The following ZBTB20 variants were observed in gnomAD, a reference collection of about 807,000 sequenced individuals.
ZBTB20 encodes the protein zinc finger and BTB domain containing 20.
Under a neutral mutation model 56.9 loss-of-function variants are expected in ZBTB20, and 9 were observed. The observed-to-expected ratio is 0.16, with a 90% CI of 0.10 to 0.28. ZBTB20 has a LOEUF of 0.28. Among genes scored for constraint, ZBTB20 ranks in the 10% least tolerant of loss-of-function variants. The pLI is 1.00. For missense variants in ZBTB20, 655 were observed against 1,003.0 expected (o/e 0.65, Z 4.69); for synonymous variants, 417 against 420.7 (o/e 0.99, Z 0.11).
chr3:114,502,412 C>T lies in ZBTB20; in HGVS notation c.-294-2021G>A, dbSNP rs76705746. ...CCTTTGTGGTCAATGTGAAACCTTG[C>T]TCAAGTACATGCAGGTGTACTTGAT... On this transcript the variant is annotated intron_variant, in intron 6 of 11. Transcript: ENST00000675478. 1.8e-3 allele frequency among the ~76,000 whole-genome samples: 271 copies of T among 152,256 alleles called. 7 individuals are homozygous for T. The East Asian group carries it at 0.043, about 24-fold the overall frequency.
At chr3:114,840,399 T>C (rs2074332987) in intron 4 of ZBTB20, among the ~76,000 whole-genome samples, 2 of 152,250 alleles carry the variant, frequency 1.3e-5, no homozygotes, top group African/African-American at 2.4e-5. Context: ...AGTTGTACAA[T>C]ACCAAATGTT....
intron 3 of ZBTB20, among the ~76,000 whole-genome samples, chr3:114,954,468 AT>A (rs2077180139): frequency 6.6e-6 from 1 of 152,130 alleles, no homozygotes; most frequent in Non-Finnish European, 1.5e-5. Flanking sequence ...TCTTATTTCT[AT>A]TTTAGTTACA....
intron 4 of ZBTB20, among the ~76,000 whole-genome samples, chr3:114,887,087 T>C (rs916361830): frequency 2.0e-4 from 31 of 152,132 alleles, no homozygotes; most frequent in African/African-American, 7.2e-4. Context: ...AGCGCAGGTC[T>C]CTCTTTATGT....
chr3:115,018,643 C>G (rs1385039046), intron 2 of ZBTB20, among the ~76,000 whole-genome samples: 1 of 151,194 alleles, frequency 6.6e-6, no homozygotes, highest in East Asian at 2.0e-4. Context: ...ACAACACTGA[C>G]CAACAAGAAA....
intron 6 of ZBTB20, among the ~76,000 whole-genome samples, chr3:114,678,826 C>T (rs1347388927): frequency 1.3e-5 from 2 of 152,102 alleles, no homozygotes; most frequent in African/African-American, 4.8e-5. Flanking sequence ...CTATTATGTG[C>T]TAGGCCTTAT....
At chr3:114,636,395 C>G (rs916405729) in intron 6 of ZBTB20, among the ~76,000 whole-genome samples, 1 of 151,992 alleles carries the variant, frequency 6.6e-6, no homozygotes, top group African/African-American at 2.4e-5. Context: ...CTAGAGACCT[C>G]TAGTACTCTA....
chr3:114,319,527 G>C lies in ZBTB20; in HGVS notation c.*19478C>G, dbSNP rs149133330. The C allele has an allele frequency of 6.6e-6, 1 of 152,192 alleles. No individual in the cohort carries two copies. Among genetic ancestry groups the C allele is most frequent in the Non-Finnish European group, 1.5e-5 (1 of 68,004 alleles). 9.4% of individuals were successfully genotyped at this position (152,192 alleles called of 1,614,324 possible). On this transcript the variant is annotated 3_prime_UTR_variant, in exon 12 of 12. Transcript: ENST00000675478. ...GAGTCAGTTGGCTAGGAAAAATACC[G>C]CTGTTCTTCCCTTTACTGTGCATTT...
intron 3 of ZBTB20, among the ~76,000 whole-genome samples, chr3:114,965,422 C>T (rs1229428006): frequency 1.3e-5 from 2 of 151,834 alleles, no homozygotes; most frequent in South Asian, 2.1e-4. Context: ...AATTTTGTAC[C>T]CCTTGACCAG....
At chr3:114,486,137 T>C (rs796583031) in intron 7 of ZBTB20, among the ~76,000 whole-genome samples, 1 of 6,206 alleles carries the variant, frequency 1.6e-4, no homozygotes, top group Non-Finnish European at 4.1e-4. Context: ...TGTGTGTGTG[T>C]GGGGGGGGGG....
At chr3:114,623,530 A>G (rs2058462552) in intron 6 of ZBTB20, among the ~76,000 whole-genome samples, 1 of 152,098 alleles carries the variant, frequency 6.6e-6, no homozygotes, top group African/African-American at 2.4e-5. Flanking sequence ...GACAAATCAT[A>G]TTTTCCAAAG....
intron 6 of ZBTB20, among the ~76,000 whole-genome samples, chr3:114,596,583 G>A (rs1012063204): frequency 2.0e-5 from 3 of 152,080 alleles, no homozygotes; most frequent in African/African-American, 2.4e-5. Context: ...TGCGGTTATC[G>A]AGGCCCCCAA....
intron 5 of ZBTB20, among the ~76,000 whole-genome samples, chr3:114,713,399 T>C (rs2064230816): frequency 6.6e-6 from 1 of 152,018 alleles, no homozygotes; most frequent in South Asian, 2.1e-4. Context: ...TTTTTACATA[T>C]CCCAAAACTG....
chr3:114,845,711 G>A (rs2074666385), intron 4 of ZBTB20, among the ~76,000 whole-genome samples: 4 of 152,024 alleles, frequency 2.6e-5, no homozygotes, highest in Admixed American at 1.3e-4. Context: ...AGTACTATTT[G>A]TTTTGTTTAA....
At chr3:114,942,158 T>C (rs1421384388) in intron 3 of ZBTB20, among the ~76,000 whole-genome samples, 1 of 145,918 alleles carries the variant, frequency 6.9e-6, no homozygotes, top group East Asian at 1.9e-4. Context: ...AATTTCGTTA[T>C]AGCCTCCTAG....
At chr3:114,806,515 C>T (rs1217170054) in intron 4 of ZBTB20, among the ~76,000 whole-genome samples, 2 of 151,854 alleles carry the variant, frequency 1.3e-5, no homozygotes, top group Non-Finnish European at 2.9e-5. Context: ...ATTTGCAAAT[C>T]GCAATCTTGC....
chr3:114,666,079 G>A (rs1009988923), intron 6 of ZBTB20, among the ~76,000 whole-genome samples: 3 of 151,880 alleles, frequency 2.0e-5, no homozygotes, highest in Non-Finnish European at 2.9e-5. Flanking sequence ...TTCGCTGGGG[G>A]TTATCTATCA....
intron 1 of ZBTB20, among the ~76,000 whole-genome samples, chr3:115,080,058 C>G (rs2082741983): frequency 1.3e-5 from 2 of 152,080 alleles, no homozygotes; most frequent in African/African-American, 4.8e-5. Context: ...AACTATACCC[C>G]CAATGTAATG....
chr3:114,667,163 T>G (rs922778319), intron 6 of ZBTB20, among the ~76,000 whole-genome samples: 1 of 152,034 alleles, frequency 6.6e-6, no homozygotes, highest in Non-Finnish European at 1.5e-5. Flanking sequence ...CCTTGAGCAG[T>G]AGGATATAAA....
At chr3:115,146,884 G>A (rs1048658227) in intron 1 of ZBTB20, among the ~76,000 whole-genome samples, 1 of 150,820 alleles carries the variant, frequency 6.6e-6, no homozygotes, top group Admixed American at 6.6e-5. Flanking sequence ...GGGACGTCCC[G>A]CCCGCCCCGC....
Sources: allele counts gnomAD v4.1 joint callset (sites outside exome capture counted in the v4.1 genomes callset), GRCh38; gene constraint gnomAD v4.1.1; transcripts MANE v1.5; gene names NCBI Gene and HGNC (gene_info 2026-07-23, HGNC 2026-07-21).